Variants in NAALAD2 observed in about 807,000 individuals in gnomAD.
NAALAD2 encodes N-acetylated alpha-linked acidic dipeptidase 2, also known as N-acetylated-alpha-linked acidic dipeptidase 2.
A neutral mutation model predicts 95.6 loss-of-function variants in NAALAD2; 89 were observed. The observed-to-expected ratio is 0.93, with a 90% CI of 0.78 to 1.11. The LOEUF (loss-of-function observed/expected upper bound fraction) is 1.11. NAALAD2 is among the 50% of genes least tolerant of loss of function. NAALAD2 has a pLI of 0.00. For missense variants in NAALAD2, 894 were observed against 872.4 expected (o/e 1.02, Z -0.31); for synonymous variants, 264 against 294.4 (o/e 0.90, Z 1.06).
In NAALAD2 at chr11:90,163,449, T is replaced by A. The variant is rs192621015; in HGVS notation, c.1195+20T>A. Reference sequence around the variant, plus strand: ...GTAAAGGTAAACAACCTTTCTTTCCTAGGTGATGACAAAAAGTGACTTACT... The same window carrying A: ...GTAAAGGTAAACAACCTTTCTTTCCAAGGTGATGACAAAAAGTGACTTACT... On this transcript the variant is annotated intron_variant, in intron 10 of 18. Coordinates refer to ENST00000534061, the MANE Select transcript of NAALAD2 (RefSeq NM_005467.4). The A allele has an allele frequency of 2.4e-4, 386 of 1,613,738 alleles. 5 individuals carry two copies. In the East Asian group the frequency reaches 6.7e-3, roughly 28 times the overall value.
rs1951671384 is a variant in NAALAD2, at chr11:90,143,398, A to G, written c.195-3932A>G. ...CGCTAATACACATGAAGTTTTTAGA[A>G]CTTTAAATGTTTCACTGTCTTCTAG... is the stretch of plus-strand genomic sequence containing the variant. On this transcript the variant is annotated intron_variant, in intron 2 of 18. Coordinates refer to ENST00000534061, the MANE Select transcript of NAALAD2 (RefSeq NM_005467.4). Among the ~76,000 whole-genome samples, 5 of 152,142 alleles carry G rather than the reference A, an allele frequency of 3.3e-5. No homozygotes were observed. The South Asian group carries it at 1.0e-3, about 31-fold the overall frequency.
intron 8 of NAALAD2, among the ~76,000 whole-genome samples, chr11:90,161,657 G>A (rs1032759304): frequency 1.3e-5 from 2 of 152,150 alleles, no homozygotes; most frequent in African/African-American, 4.8e-5. Context: ...GTTTAAAGAC[G>A]TAGATGTGCT....
Position 90,150,562 on chromosome 11 carries a change from GAAGATTGTTATTGC to G in NAALAD2, c.570_583del (p.Val191TrpfsTer8). On this transcript the variant is annotated frameshift_variant, in exon 5 of 19. Transcript: ENST00000534061. LOFTEE classifies it high-confidence loss of function. The stretch of plus-strand genomic sequence containing the variant: ...GAGAGATGGGCATCAACTGTACTGG[GAAGATTGTTATTGC>G]AAGATATGGAAAAATCTTCAGAGGA... 1.2e-6 allele frequency: 2 copies of G among 1,607,378 alleles called. No homozygotes were observed. Among genetic ancestry groups the G allele is most frequent in the Non-Finnish European group, 1.7e-6 (2 of 1,174,978 alleles).
At chr11:90,177,174 C>T (rs988956065) in intron 15 of NAALAD2, among the ~76,000 whole-genome samples, 1 of 152,080 alleles carries the variant, frequency 6.6e-6, no homozygotes, top group African/African-American at 2.4e-5. Flanking sequence ...CGGGATACTA[C>T]TATGTAATAA....
intron 6 of NAALAD2, among the ~76,000 whole-genome samples, 195 bp downstream of exon 6, chr11:90,152,679 G>A (rs909296514): frequency 7.2e-5 from 11 of 151,934 alleles, no homozygotes; most frequent in African/African-American, 2.7e-4. Context: ...ATGAGATGTC[G>A]GCATGGGGAG....
intron 6 of NAALAD2, 129 bp from the exon 7 acceptor site, chr11:90,158,016 G>A (rs372892898): frequency 1.4e-6 from 1 of 703,766 alleles, no homozygotes. Context: ...ACCACGCCTG[G>A]CCAGGAACTT....
intron 16 of NAALAD2, among the ~76,000 whole-genome samples, chr11:90,178,870 T>C (rs533247531): frequency 1.3e-5 from 2 of 152,336 alleles, no homozygotes; most frequent in East Asian, 3.9e-4. Flanking sequence ...TTTCCTTTTA[T>C]TAATGACTGT....
At chr11:90,139,234 T>C (rs1951540544) in intron 2 of NAALAD2, among the ~76,000 whole-genome samples, 1 of 151,914 alleles carries the variant, frequency 6.6e-6, no homozygotes, top group African/African-American at 2.4e-5. Context: ...GGCCTTCTTG[T>C]TGTACAAACA....
At chr11:90,165,818 TATATAAACAC>T (rs1220242563) in intron 11 of NAALAD2, among the ~76,000 whole-genome samples, 4 of 152,204 alleles carry the variant, frequency 2.6e-5, no homozygotes, top group East Asian at 3.8e-4. Context: ...TTGTGATACA[TATATAAACAC>T]ATATAAACAC....
rs907372582 is a variant in NAALAD2 at position 90,184,123 on chromosome 11, C to T, written c.2033+1115C>T. ...AAGTAACTTCTAGGGTTTTCCCATC[C>T]GAATTAAGATGATGATAATTGCTAC... On this transcript the variant is annotated intron_variant, in intron 18 of 18. Transcript: ENST00000534061. Among the ~76,000 whole-genome samples the T allele has an allele frequency of 7.9e-5, 12 of 152,090 alleles. 1 individual carries two copies. In the South Asian group the frequency reaches 1.2e-3, roughly 16 times the overall value.
At chr11:90,169,828 C>G in intron 12 of NAALAD2, 1 of 463,474 alleles carries the variant, frequency 2.2e-6, no homozygotes. Flanking sequence ...CTTATAATCA[C>G]TGTGACAGCT....
At position 90,150,559 on chromosome 11, in the gene NAALAD2, T is replaced by C; in HGVS notation, c.561T>C (p.Thr187=). Residue 187 remains threonine, a synonymous_variant, in exon 5 of 19, where the codon ACT becomes ACC. Coordinates refer to ENST00000534061, the MANE Select transcript of NAALAD2 (RefSeq NM_005467.4). ...KLEREMGINC[T]GKIVIARYGK... The stretch of plus-strand genomic sequence containing the variant: ...AAAGAGAGATGGGCATCAACTGTAC[T>C]GGGAAGATTGTTATTGCAAGATATG... The C allele has an allele frequency of 1.2e-6, 2 of 1,608,202 alleles. No individual in the cohort carries two copies. The highest frequency in any genetic ancestry group is 1.7e-6 in the Non-Finnish European group (2 of 1,175,586).
chr11:90,166,063 ACT>A (rs1952433338), intron 11 of NAALAD2, among the ~76,000 whole-genome samples: 2 of 152,000 alleles, frequency 1.3e-5, no homozygotes, highest in African/African-American at 2.4e-5. Context: ...TATAATGGAA[ACT>A]CTGATTTTAT....
chr11:90,144,741 A>T lies in NAALAD2; in HGVS notation c.195-2589A>T, dbSNP rs191100483. 7.0e-3 allele frequency among the ~76,000 whole-genome samples: 521 copies of T among 74,862 alleles called. 13 individuals are homozygous for T. Among genetic ancestry groups the T allele is most frequent in the African/African-American group, 0.037 (501 of 13,618 alleles). The allele number at this position is 74,862 out of a possible 152,430, so 49.1% of individuals were successfully genotyped here. On this transcript the variant is annotated intron_variant, in intron 2 of 18. Transcript: ENST00000534061. ...TGGGCAACAAGAGCAAAACTCCATTAAAAAAAAAAAAAAACGGAAAAGAAA... is the reference window on the plus strand; with the variant it reads ...TGGGCAACAAGAGCAAAACTCCATTTAAAAAAAAAAAAAACGGAAAAGAAA...
At chr11:90,161,302 T>C (rs1952290723) in intron 8 of NAALAD2, among the ~76,000 whole-genome samples, 1 of 152,206 alleles carries the variant, frequency 6.6e-6, no homozygotes, top group Non-Finnish European at 1.5e-5. Context: ...TGCATTACTG[T>C]CATGTTTCTA....
chr11:90,144,752 A>AAAAAAAAAAAAC (rs1402498624), intron 2 of NAALAD2, among the ~76,000 whole-genome samples: 1 of 151,066 alleles, frequency 6.6e-6, no homozygotes, highest in African/African-American at 2.4e-5. Flanking sequence ...AAAAAAAAAA[A>AAAAAAAAAAAAC]AAACGGAAAA....
At chr11:90,172,409 T>C (rs780319422) in intron 13 of NAALAD2, among the ~76,000 whole-genome samples, 20 of 152,170 alleles carry the variant, frequency 1.3e-4, no homozygotes, top group Non-Finnish European at 2.2e-4. Context: ...TACCTTCTAC[T>C]TGAAGGCTGA....
At chr11:90,132,752 T>G (rs1565502289), upstream of NAALAD2, among the ~76,000 whole-genome samples, 1 of 152,214 alleles carries the variant, frequency 6.6e-6, no homozygotes, top group Non-Finnish European at 1.5e-5. Flanking sequence ...AATTCTATTC[T>G]AATTCCCTAT....
At chr11:90,148,508 C>T (rs575088590) in intron 3 of NAALAD2, among the ~76,000 whole-genome samples, 2 of 152,026 alleles carry the variant, frequency 1.3e-5, no homozygotes, top group South Asian at 4.2e-4. Flanking sequence ...GTTTGGACAT[C>T]CAGGATGAAA....
Sources: allele counts gnomAD v4.1 joint callset (sites outside exome capture counted in the v4.1 genomes callset), GRCh38; gene constraint gnomAD v4.1.1; transcripts MANE v1.5; gene names NCBI Gene and HGNC (gene_info 2026-07-23, HGNC 2026-07-21).